Variants in PRKN observed in about 807,000 individuals in gnomAD.
The protein encoded by PRKN is parkin RBR E3 ubiquitin protein ligase.
Under a neutral mutation model 59.5 loss-of-function variants are expected in PRKN, and 56 were observed. That is an observed-to-expected ratio of 0.94 (90% CI 0.76 to 1.18). The LOEUF is 1.18. Ranked by LOEUF, PRKN falls within the 50% of genes most tolerant of loss-of-function variation. PRKN has a pLI of 0.00. For synonymous variants in PRKN, 250 were observed against 222.1 expected, an observed-to-expected ratio of 1.13 and a Z score of -1.12; for missense variants, 657 against 596.4, an observed-to-expected ratio of 1.10 and a Z score of -1.06.
chr6:161,534,713 C>A (rs1488857775), intron 9 of PRKN, among the ~76,000 whole-genome samples: 1 of 152,204 alleles, frequency 6.6e-6, no homozygotes, highest in Non-Finnish European at 1.5e-5. Context: ...CCTCTGTGTG[C>A]CTGTAGCATC....
chr6:162,147,889 A>T (rs118038548), intron 4 of PRKN, among the ~76,000 whole-genome samples: 412 of 152,348 alleles, frequency 2.7e-3, no homozygotes, highest in Middle Eastern at 0.014. Flanking sequence ...CCACAGAAAT[A>T]ACTTATCAAT....
chr6:161,771,701 T>C (rs1789702021), intron 7 of PRKN, among the ~76,000 whole-genome samples: 1 of 152,214 alleles, frequency 6.6e-6, no homozygotes, highest in Admixed American at 6.5e-5. Context: ...GCATTCAGAC[T>C]TTACTGCAAA....
At chr6:161,787,671 G>GTGT (rs1562684806) in intron 6 of PRKN, among the ~76,000 whole-genome samples, 1 of 152,224 alleles carries the variant, frequency 6.6e-6, no homozygotes, top group East Asian at 1.9e-4. Context: ...TAGAGGCCAG[G>GTGT]CGTGGTGGCT....
intron 5 of PRKN, among the ~76,000 whole-genome samples, chr6:161,974,931 A>G (rs916699720): frequency 6.6e-6 from 1 of 152,146 alleles, no homozygotes; most frequent in Non-Finnish European, 1.5e-5. Flanking sequence ...TATGCAAATG[A>G]ATGGGTGTGG....
intron 4 of PRKN, among the ~76,000 whole-genome samples, chr6:162,156,627 G>T (rs539895197): frequency 6.6e-6 from 1 of 152,234 alleles, no homozygotes; most frequent in South Asian, 2.1e-4. Flanking sequence ...TGGCCACATT[G>T]GCAGCTGATT....
rs369634041 is a variant in PRKN at position 162,262,647 on chromosome 6, C to A, written c.290G>T (p.Arg97Leu). 1 of 1,613,758 alleles carries A rather than the reference C, an allele frequency of 6.2e-7. No homozygotes were observed. The highest frequency in any genetic ancestry group is 1.3e-5 in the African/African-American group (1 of 75,016). ...DPRNAAGGCE[R>L]EPQSLTRVDL... ...CACCCGAGTCAAGCTCTGGGGCTCCCGCTCACAGCCTCCCGCCGCGTTTCT... is the reference window on the plus strand; with the variant it reads ...CACCCGAGTCAAGCTCTGGGGCTCCAGCTCACAGCCTCCCGCCGCGTTTCT... Residue 97 changes from arginine to leucine, a missense_variant, in exon 3 of 12, where the codon CGG becomes CTG. By Grantham distance (102) the Arg-to-Leu change is moderately radical (BLOSUM62 -2). Coordinates refer to ENST00000366898, the MANE Select transcript of PRKN (RefSeq NM_004562.3).
chr6:161,518,081 T>C lies in PRKN; in HGVS notation c.1083+30773A>G, dbSNP rs1172003323. Among the ~76,000 whole-genome samples the C allele has an allele frequency of 6.6e-6, 1 of 152,196 alleles. No individual in the cohort carries two copies. The highest frequency in any genetic ancestry group is 6.5e-5 in the Admixed American group (1 of 15,284). ...GAGATTTGGCTTCTATGAGGGCATG[T>C]GCGAGTCTAGCTCTCCAGATACCTT... On this transcript the variant is annotated intron_variant, in intron 9 of 11. Transcript: ENST00000366898. This position sits in a 1 kb window ranked among gnomAD's most constrained non-coding sequence, Gnocchi z 5.0.
At chr6:162,574,459 C>T (rs190157304) in intron 1 of PRKN, among the ~76,000 whole-genome samples, 21 of 152,262 alleles carry the variant, frequency 1.4e-4, no homozygotes, top group Admixed American at 9.2e-4. Context: ...ATCTTTTTAA[C>T]GTCTCTTTCA....
chr6:161,591,137 G>GA (rs1233170576), intron 7 of PRKN, among the ~76,000 whole-genome samples: 2 of 151,774 alleles, frequency 1.3e-5, no homozygotes, highest in Non-Finnish European at 2.9e-5. Flanking sequence ...AAAGGATTCA[G>GA]AAAAAAAATA....
chr6:162,339,758 T>TA (rs1269468076), intron 2 of PRKN, among the ~76,000 whole-genome samples: 1 of 151,720 alleles, frequency 6.6e-6, no homozygotes, highest in East Asian at 1.9e-4. Flanking sequence ...TAGAAAGAAG[T>TA]AGACATGGGA....
intron 4 of PRKN, among the ~76,000 whole-genome samples, chr6:162,162,686 T>A (rs1033970981): frequency 6.6e-6 from 1 of 152,018 alleles, no homozygotes; most frequent in Non-Finnish European, 1.5e-5. Context: ...ATGCAAAAAA[T>A]TTTCCCTAAA....
Position 161,543,365 on chromosome 6 carries a change from C to T in PRKN, c.1083+5489G>A, listed in dbSNP as rs1779684709. 2.0e-5 allele frequency among the ~76,000 whole-genome samples: 3 copies of T among 152,270 alleles called. No individual in the cohort carries two copies. The South Asian group carries it at 6.2e-4, about 32-fold the overall frequency. The stretch of plus-strand genomic sequence containing the variant: ...GGTCTAAAACCACATTTGAGGGAGG[C>T]TTTACAACTTCATTTTTATAATTTT... On this transcript the variant is annotated intron_variant, in intron 9 of 11. Coordinates refer to ENST00000366898, the MANE Select transcript of PRKN (RefSeq NM_004562.3).
At chr6:162,067,643 T>G (rs1328660306) in intron 4 of PRKN, among the ~76,000 whole-genome samples, 1 of 152,208 alleles carries the variant, frequency 6.6e-6, no homozygotes, top group Non-Finnish European at 1.5e-5. Flanking sequence ...GACATGCACA[T>G]GATGACTTAG....
At chr6:161,787,302 T>A (rs1377678215) in intron 6 of PRKN, among the ~76,000 whole-genome samples, 1 of 152,318 alleles carries the variant, frequency 6.6e-6, no homozygotes, top group East Asian at 1.9e-4. Context: ...ATGCCATGGA[T>A]GTGTAAGTAA....
chr6:161,897,454 T>G (rs991472989), intron 6 of PRKN, among the ~76,000 whole-genome samples: 2 of 152,204 alleles, frequency 1.3e-5, no homozygotes, highest in Non-Finnish European at 2.9e-5. Context: ...ATCTCTTTTT[T>G]AGGCCCATTT....
chr6:162,009,969 G>T (rs1782423554), intron 5 of PRKN, among the ~76,000 whole-genome samples: 2 of 151,288 alleles, frequency 1.3e-5, no homozygotes, highest in African/African-American at 4.9e-5. Context: ...TCATAACTAG[G>T]TGTACTTGTA....
At chr6:162,667,396 C>A (rs1000662409) in intron 1 of PRKN, among the ~76,000 whole-genome samples, 1 of 151,994 alleles carries the variant, frequency 6.6e-6, no homozygotes, top group African/African-American at 2.4e-5. Flanking sequence ...GTTAAGCTTT[C>A]AACCACATTT....
intron 1 of PRKN, chr6:162,569,020 C>T: frequency 1.4e-6 from 1 of 695,820 alleles, no homozygotes; most frequent in Admixed American, 2.0e-5. Context: ...GAGCTGCAGT[C>T]CCAGATCTCG....
intron 6 of PRKN, among the ~76,000 whole-genome samples, chr6:161,913,296 A>G (rs1778436590): frequency 6.6e-6 from 1 of 152,196 alleles, no homozygotes; most frequent in Non-Finnish European, 1.5e-5. Context: ...ACATATGCCA[A>G]GAGACTAACG....
Sources: gnomAD v4.1 joint callset for allele counts (sites outside exome capture counted in the v4.1 genomes callset) on GRCh38, gnomAD v4.1.1 for gene constraint, Gnocchi (gnomAD v3.1) non-coding constraint, MANE v1.5 for transcripts, NCBI Gene and HGNC (gene_info 2026-07-23, HGNC 2026-07-21) for gene names.